Variants in SMC3 observed in about 807,000 individuals in gnomAD.
The protein encoded by SMC3 is structural maintenance of chromosomes 3.
A neutral mutation model predicts 171.8 loss-of-function variants in SMC3; 20 were observed. The ratio of observed to expected loss-of-function variants is 0.12; its 90% CI spans 0.08 to 0.17. The LOEUF is 0.17. Ranked by LOEUF, SMC3 falls within the 10% of genes least tolerant of loss-of-function variation. The probability of loss-of-function intolerance (pLI) is 1.00; values close to 1 mark genes in which losing one functional copy is unlikely to be tolerated. For synonymous variants in SMC3, 464 were observed against 451.1 expected, an observed-to-expected ratio of 1.03 and a Z score of -0.36; for missense variants, 543 against 1,420.4, an observed-to-expected ratio of 0.38 and a Z score of 9.93.
At chr10:110,584,710 C>T (rs112855982) in intron 13 of SMC3, among the ~76,000 whole-genome samples, 9,015 of 152,296 alleles carry the variant, frequency 0.059, 353 homozygotes, top group African/African-American at 0.11. Flanking sequence ...ACTGCAGCCT[C>T]CACCTTCCAG....
At chr10:110,581,666 T>G (rs1182505278) in intron 8 of SMC3, among the ~76,000 whole-genome samples, 1 of 152,230 alleles carries the variant, frequency 6.6e-6, no homozygotes, top group Non-Finnish European at 1.5e-5. Flanking sequence ...ATTATTGGAA[T>G]CCTAAGCTTG....
Position 110,575,361 on chromosome 10 carries a change from G to C in SMC3, c.156G>C (p.Glu52Asp). 1.2e-6 allele frequency: 2 copies of C among 1,613,706 alleles called. No homozygotes were observed. Among genetic ancestry groups the C allele is most frequent in the Non-Finnish European group, 1.7e-6 (2 of 1,179,758 alleles). Residue 52 changes from glutamate (E) to aspartate (D), a missense_variant, in exon 4 of 29, where the codon GAG (glutamate) becomes GAC (aspartate). Around this residue, in one of 8 missense-constraint regions of SMC3, gnomAD observed 146 missense variants for 437.9 expected, o/e 0.33. Transcript: ENST00000361804. ...FYAIQFVLSD[E>D]FSHLRPEQRL... The stretch of plus-strand genomic sequence containing the variant: ...CAATTCAGTTTGTTCTCAGTGATGA[G>C]TTTAGTCATCTTCGTCCAGAACAGC...
chr10:110,575,240 T>A lies in SMC3; in HGVS notation c.131-96T>A, dbSNP rs1157204879. On this transcript the variant is annotated intron_variant, in intron 3 of 28. Transcript: ENST00000361804. ...CAGATAATTTATTTGCATTGTCTAT[T>A]ACCAGACACACTATGTTCTATTGAG... 1.3e-5 allele frequency: 11 copies of A among 868,228 alleles called. No individual in the cohort carries two copies. In the African/African-American group the frequency reaches 1.8e-4, roughly 14 times the overall value. 53.8% of individuals were successfully genotyped at this position (868,228 alleles called of 1,614,324 possible). A position where few individuals can be genotyped will look rare whatever the true frequency, so the allele number is the denominator to read the frequency against.
intron 13 of SMC3, among the ~76,000 whole-genome samples, chr10:110,586,027 A>T (rs762706128): frequency 2.0e-5 from 3 of 151,852 alleles, no homozygotes; most frequent in Non-Finnish European, 4.4e-5. Flanking sequence ...TGATCTCTTG[A>T]CCTTGTGACC....
At chr10:110,584,561 T>C (rs1169755789) in intron 13 of SMC3, among the ~76,000 whole-genome samples, 165 bp downstream of exon 13, 3 of 119,206 alleles carry the variant, frequency 2.5e-5, no homozygotes, top group East Asian at 7.0e-4. Flanking sequence ...TACATATAGT[T>C]CTTTTTTAAA....
intron 2 of SMC3, among the ~76,000 whole-genome samples, chr10:110,570,102 C>T (rs747066340): frequency 2.0e-5 from 3 of 152,170 alleles, no homozygotes; most frequent in Non-Finnish European, 4.4e-5. Flanking sequence ...TGGTTAGGTT[C>T]TCGTGAGGCT....
rs918955751 is a variant in SMC3 at position 110,596,298 on chromosome 10, A to G, written c.1964-100A>G. On this transcript the variant is annotated intron_variant, in intron 18 of 28. Transcript: ENST00000361804. ...GTGGTTTAAATTACTTTCAATTCTCATTATCTACTTAAAGCCTGTAGGTTA... is the reference window on the plus strand; with the variant it reads ...GTGGTTTAAATTACTTTCAATTCTCGTTATCTACTTAAAGCCTGTAGGTTA... The G allele has an allele frequency of 2.0e-5, 22 of 1,106,656 alleles. No homozygotes were observed. The African/African-American group carries it at 3.2e-4, about 16-fold the overall frequency. 68.6% of individuals were successfully genotyped at this position (1,106,656 alleles called of 1,614,324 possible).
At chr10:110,597,876 C>T (rs907913902) in intron 19 of SMC3, among the ~76,000 whole-genome samples, 1 of 152,136 alleles carries the variant, frequency 6.6e-6, no homozygotes, top group Non-Finnish European at 1.5e-5. Context: ...TATGGTTTTC[C>T]AAGAATTTGT....
chr10:110,592,033 G>GT (rs1233430730), intron 17 of SMC3, among the ~76,000 whole-genome samples: 1 of 152,156 alleles, frequency 6.6e-6, no homozygotes, highest in East Asian at 1.9e-4. Context: ...GGAGGGGGAG[G>GT]TGGGCGGATC....
rs528543721 is a variant in SMC3 at position 110,605,451 on chromosome 10, G to A, written c.*1149G>A. Among the ~76,000 whole-genome samples the A allele has an allele frequency of 6.6e-6, 1 of 152,220 alleles. No homozygotes were observed. The highest frequency in any genetic ancestry group is 1.9e-4 in the East Asian group (1 of 5,182). On this transcript the variant is annotated 3_prime_UTR_variant, in exon 29 of 29. Coordinates refer to ENST00000361804, the MANE Select transcript of SMC3 (RefSeq NM_005445.4). The stretch of plus-strand genomic sequence containing the variant: ...TTTTTCTTGATTTCCCCTGGCCTGA[G>A]TTTATACTGGTTATCTGCAGGAGAA...
chr10:110,581,088 C>A, intron 8 of SMC3, 67 bp downstream of exon 8: 1 of 855,132 alleles, frequency 1.2e-6, no homozygotes, highest in Non-Finnish European at 2.0e-6. Context: ...AGAGTGGCTC[C>A]ATGATGGGAA....
chr10:110,605,278 T>TG lies in SMC3; in HGVS notation c.*981dup, dbSNP rs1861451196. Among the ~76,000 whole-genome samples the TG allele has an allele frequency of 6.6e-6, 1 of 152,196 alleles. No individual in the cohort carries two copies. The highest frequency in any genetic ancestry group is 2.1e-4 in the South Asian group (1 of 4,826). On this transcript the variant is annotated 3_prime_UTR_variant, in exon 29 of 29. Transcript: ENST00000361804. ...TCTTTGAAAGTAGGTCTTTAAGCAC[T>TG]GGGGGTCTCCTGTGACCCTGGAAAA...
chr10:110,601,963 T>C lies in SMC3; in HGVS notation c.2893-3T>C, dbSNP rs1368206841. The C allele has an allele frequency of 1.9e-6, 3 of 1,612,232 alleles. No individual in the cohort carries two copies. Among genetic ancestry groups the C allele is most frequent in the East Asian group, 2.2e-5 (1 of 44,840 alleles). On this transcript the variant is annotated splice_region_variant and splice_polypyrimidine_tract_variant and intron_variant, in intron 24 of 28. Transcript: ENST00000361804. ...TATATGAATACATATTTTCTCTTTA[T>C]AGTTGTTTCGAAAACTTGAGCAGTG...
chr10:110,598,084 TAAG>T (rs1466336595), intron 19 of SMC3, 52 bp from the exon 20 acceptor site: 8 of 1,520,816 alleles, frequency 5.3e-6, no homozygotes, highest in Non-Finnish European at 7.3e-6. Flanking sequence ...TAAAAAGAAT[TAAG>T]AACATACGAT....
Position 110,567,911 on chromosome 10 carries a change from G to T in SMC3, c.15+80G>T, listed in dbSNP as rs879772148. The stretch of plus-strand genomic sequence containing the variant: ...AGGCGGGAGTGTTGCGGCGCCACCC[G>T]CAGCCTCTCCCCTGTCTCCACAGGC... On this transcript the variant is annotated intron_variant, in intron 1 of 28. Transcript: ENST00000361804. The T allele has an allele frequency of 2.7e-4, 385 of 1,434,342 alleles. 2 individuals are homozygous for T. In the East Asian group the frequency reaches 9.7e-3, roughly 36 times the overall value. The allele number at this position is 1,434,342 out of a possible 1,614,324, so 88.9% of individuals were successfully genotyped here. A position where few individuals can be genotyped will look rare whatever the true frequency, so the allele number is the denominator to read the frequency against.
intron 20 of SMC3, among the ~76,000 whole-genome samples, chr10:110,598,975 TG>T (rs1320838740): frequency 6.6e-6 from 1 of 152,048 alleles, no homozygotes; most frequent in Non-Finnish European, 1.5e-5. Context: ...AGTGTGTTAT[TG>T]GTCTCATAAA....
At chr10:110,571,906 G>A (rs1222799958) in intron 2 of SMC3, among the ~76,000 whole-genome samples, 1 of 151,982 alleles carries the variant, frequency 6.6e-6, no homozygotes, top group Non-Finnish European at 1.5e-5. Context: ...TAAATATTCA[G>A]CATCCTTTAA....
intron 1 of SMC3, chr10:110,568,423 C>G (rs1564786634): frequency 6.0e-6 from 1 of 167,918 alleles, no homozygotes; most frequent in Non-Finnish European, 1.3e-5. Flanking sequence ...AAATGGTCTT[C>G]CCGCGCGGGA....
rs373830387 is a variant in SMC3 at position 110,599,650 on chromosome 10, A to G, written c.2269-4A>G. On this transcript the variant is annotated splice_polypyrimidine_tract_variant and splice_region_variant and intron_variant, in intron 20 of 28. Coordinates refer to ENST00000361804, the MANE Select transcript of SMC3 (RefSeq NM_005445.4). ...CTTACTAATAAATGGATAATGTCAT[A>G]TAGCAACGTAGCTTACAGAGTTTGG... 1.2e-6 allele frequency: 2 copies of G among 1,613,052 alleles called. No individual in the cohort carries two copies. Among genetic ancestry groups the G allele is most frequent in the African/African-American group, 2.7e-5 (2 of 74,926 alleles).
Sources: allele counts gnomAD v4.1 joint callset (sites outside exome capture counted in the v4.1 genomes callset), GRCh38; gene constraint gnomAD v4.1.1; regional missense constraint gnomAD v4.1.1; transcripts MANE v1.5; gene names NCBI Gene and HGNC (gene_info 2026-07-23, HGNC 2026-07-21).